ADGRE2: variants seen among roughly 807,000 people sequenced by gnomAD.
The protein encoded by ADGRE2 is CD97 antigen.
ADGRE2 carries 83 observed loss-of-function variants against 100.8 expected under a neutral mutation model. The observed-to-expected ratio is 0.82, with a 90% CI of 0.69 to 0.99. ADGRE2 has a LOEUF of 0.99. ADGRE2 is among the 50% of genes least tolerant of loss of function. ADGRE2 has a pLI of 0.00. For missense variants in ADGRE2, 814 were observed against 1,035.7 expected, an observed-to-expected ratio of 0.79 and a Z score of 2.94; for synonymous variants, 355 against 413.0, an observed-to-expected ratio of 0.86 and a Z score of 1.70.
the ADGRE2 span, among the ~76,000 whole-genome samples, chr19:14,726,573 A>G: frequency 6.6e-6 from 1 of 152,188 alleles, no homozygotes; most frequent in Non-Finnish European, 1.5e-5. Flanking sequence ...ATCTGACTGT[A>G]AGCTGTTAGA....
At chr19:14,756,914 ATT>A (rs35330041) in intron 11 of ADGRE2, among the ~76,000 whole-genome samples, 1 of 147,274 alleles carries the variant, frequency 6.8e-6, no homozygotes, top group Non-Finnish European at 1.5e-5. Context: ...TTTTTTGAGT[ATT>A]TTTTTTTTTT....
chr19:14,778,021 C>T (rs1233868630), intron 1 of ADGRE2, among the ~76,000 whole-genome samples: 4 of 152,154 alleles, frequency 2.6e-5, no homozygotes, highest in Non-Finnish European at 5.9e-5. Flanking sequence ...GCAATGGGAT[C>T]GCTGAGTCAA....
chr19:14,763,084 T>C (rs2147368625), intron 11 of ADGRE2, among the ~76,000 whole-genome samples: 1 of 152,290 alleles, frequency 6.6e-6, no homozygotes, highest in South Asian at 2.1e-4. Context: ...ACGCCTGTAA[T>C]CCCAGCACTT....
In ADGRE2 at chr19:14,743,427, G is replaced by C; in HGVS notation, c.2456C>G (p.Pro819Arg). ...AGCAATGCGTGATCTTACCGTGCTG[G>C]GTTTGGAGGTGTCAGCCTTAGCACT... ...SSSAKADTSK[P>R]STVN Residue 819 changes from proline (P) to arginine (R), a missense_variant, in exon 20 of 21, where the codon CCC becomes CGC. Pro to Arg is a moderately radical substitution (Grantham distance 103). Coordinates refer to ENST00000315576, the MANE Select transcript of ADGRE2 (RefSeq NM_013447.4). 5 of 1,613,784 alleles carry C rather than the reference G, an allele frequency of 3.1e-6. No homozygotes were observed. Among genetic ancestry groups the C allele is most frequent in the Non-Finnish European group, 4.2e-6 (5 of 1,179,684 alleles).
intron 11 of ADGRE2, among the ~76,000 whole-genome samples, chr19:14,763,561 C>A (rs948122154): frequency 6.6e-6 from 1 of 150,622 alleles, no homozygotes; most frequent in African/African-American, 2.4e-5. Context: ...ATTTCTTTTT[C>A]CTTTCCTTTC....
intron 14 of ADGRE2, 86 bp downstream of exon 14, chr19:14,754,868 A>C (rs971015035): frequency 1.5e-5 from 22 of 1,428,178 alleles, no homozygotes; most frequent in Non-Finnish European, 2.1e-5. Context: ...GAGATAATGC[A>C]TATATTTTTT....
In ADGRE2 at chr19:14,764,236, ATT is replaced by A. The variant is rs61472082; in HGVS notation, c.1084+195_1084+196del. Reference sequence around the variant, plus strand: ...CCATCACATCTGTCTAATTTAAAAGATTTTTTTTTTTTTGTAGAGATTGAGTA... The same window carrying A: ...CCATCACATCTGTCTAATTTAAAAGATTTTTTTTTTTGTAGAGATTGAGTA... On this transcript the variant is annotated intron_variant, in intron 11 of 20. Transcript: ENST00000315576. 6.0e-3 allele frequency among the ~76,000 whole-genome samples: 910 copies of A among 151,196 alleles called. 8 individuals are homozygous for A. Among genetic ancestry groups the A allele is most frequent in the African/African-American group, 0.019 (799 of 41,282 alleles).
At chr19:14,774,160 C>T in intron 3 of ADGRE2, 96 bp downstream of exon 3, 3 of 1,518,718 alleles carry the variant, frequency 2.0e-6, no homozygotes, top group Non-Finnish European at 2.7e-6. Flanking sequence ...TGCACGAGCC[C>T]TCTCTTTCCC....
chr19:14,748,040 T>C (rs2043144104), intron 16 of ADGRE2, among the ~76,000 whole-genome samples: 1 of 152,244 alleles, frequency 6.6e-6, no homozygotes, highest in African/African-American at 2.4e-5. Context: ...GTAAAATGCA[T>C]GTTGCGGCGG....
chr19:14,753,433 G>A (rs1460823584), intron 14 of ADGRE2, among the ~76,000 whole-genome samples: 1 of 152,038 alleles, frequency 6.6e-6, no homozygotes, highest in Non-Finnish European at 1.5e-5. Context: ...CAAAAGGGTG[G>A]TTTGGCCCTT....
At chr19:14,752,662 CAATTT>C (rs1327442088) in intron 14 of ADGRE2, 136 bp from the exon 15 acceptor site, 9 of 1,113,882 alleles carry the variant, frequency 8.1e-6, no homozygotes, top group African/African-American at 3.1e-5. Flanking sequence ...AAGATGTCAC[CAATTT>C]AATTTAATTT....
At chr19:14,729,881 C>T (rs1042758710), downstream of ADGRE2, among the ~76,000 whole-genome samples, 3 of 152,230 alleles carry the variant, frequency 2.0e-5, no homozygotes, top group East Asian at 1.9e-4. Context: ...TTGATAAATA[C>T]ATCCAATTTT....
Position 14,743,799 on chromosome 19 carries a change from A to G in ADGRE2, c.2184-15T>C. The G allele has an allele frequency of 6.2e-7, 1 of 1,612,938 alleles. No individual in the cohort carries two copies. The highest frequency in any genetic ancestry group is 8.5e-7 in the Non-Finnish European group (1 of 1,179,170). On this transcript the variant is annotated splice_polypyrimidine_tract_variant and intron_variant, in intron 18 of 20. Transcript: ENST00000315576. ...ATGCCAGCATCCTGGATTGAGTAAG[A>G]AAGGAGGCTGGTGATGCACCCAGAG...
intron 18 of ADGRE2, among the ~76,000 whole-genome samples, chr19:14,745,729 C>T (rs565640883): frequency 1.6e-4 from 25 of 152,220 alleles, no homozygotes; most frequent in African/African-American, 3.6e-4. Flanking sequence ...CTCAGCCTCC[C>T]GAGTAGCTGG....
At position 14,766,327 on chromosome 19, in the gene ADGRE2, A is replaced by G; in HGVS notation, c.542T>C (p.Leu181Pro). The change falls in exon 7 of 21, where the codon CTC becomes CCC. Residue 181 changes from leucine (L) to proline (P), a missense_variant. Physicochemically the swap from Leu to Pro is moderately conservative, Grantham distance 98. Transcript: ENST00000315576. ...QNPCHSSTHC[L>P]NNVGSYQCRC... ...GCACTGATAGCTGCCCACGTTGTTG[A>G]GGCAGTGGGTGGAGCTGTGGCATGG... The G allele has an allele frequency of 6.2e-7, 1 of 1,614,032 alleles. No homozygotes were observed.
At chr19:14,728,530 C>A (rs2042647993), downstream of ADGRE2, among the ~76,000 whole-genome samples, 1 of 152,108 alleles carries the variant, frequency 6.6e-6, no homozygotes, top group South Asian at 2.1e-4. Context: ...TTTCTTGAAG[C>A]ACATCACTTA....
chr19:14,748,893 A>G (rs1487050833), intron 16 of ADGRE2, among the ~76,000 whole-genome samples: 1 of 152,132 alleles, frequency 6.6e-6, no homozygotes, highest in Non-Finnish European at 1.5e-5. Context: ...TCAAAAAAAT[A>G]CTAGCCGACC....
intron 11 of ADGRE2, among the ~76,000 whole-genome samples, chr19:14,763,045 A>T (rs1047707698): frequency 6.6e-6 from 1 of 152,174 alleles, no homozygotes; most frequent in Admixed American, 6.5e-5. Context: ...TGCTTTAAAA[A>T]TTATTATGCA....
At chr19:14,774,924 T>G (rs2147582778) in intron 2 of ADGRE2, among the ~76,000 whole-genome samples, 1 of 151,444 alleles carries the variant, frequency 6.6e-6, no homozygotes, top group African/African-American at 2.4e-5. Flanking sequence ...TCTGCCGGCC[T>G]TGGCCTCCCA....
Sources: allele counts gnomAD v4.1 joint callset (sites outside exome capture counted in the v4.1 genomes callset), GRCh38; gene constraint gnomAD v4.1.1; transcripts MANE v1.5; gene names NCBI Gene and HGNC (gene_info 2026-07-23, HGNC 2026-07-21).